CFAP95: variants seen among roughly 807,000 people sequenced by gnomAD.
CFAP95 encodes cilia- and flagella-associated protein 95.
chr9:69,858,439 T>C, the CFAP95 span, among the ~76,000 whole-genome samples: 1 of 152,190 alleles, frequency 6.6e-6, no homozygotes, highest in Non-Finnish European at 1.5e-5. Flanking sequence ...TCTTATGCTT[T>C]TTGTTGGTGA....
At chr9:69,842,366 A>G in the CFAP95 span, among the ~76,000 whole-genome samples, 2 of 152,200 alleles carry the variant, frequency 1.3e-5, no homozygotes, top group Admixed American at 6.5e-5. Context: ...TTGTGGCACC[A>G]CACAAACCCC....
At chr9:69,847,892 G>A in the CFAP95 span, among the ~76,000 whole-genome samples, 27 of 152,254 alleles carry the variant, frequency 1.8e-4, no homozygotes, top group Admixed American at 4.6e-4. Flanking sequence ...TTTTGTCTAC[G>A]TTTTGGCTAA....
At chr9:69,824,248 A>G in the CFAP95 span, among the ~76,000 whole-genome samples, 1 of 152,276 alleles carries the variant, frequency 6.6e-6, no homozygotes, top group Non-Finnish European at 1.5e-5. Flanking sequence ...GCAGTGGAAT[A>G]GTAAAGAACA....
chr9:69,853,833 G>C, the CFAP95 span, among the ~76,000 whole-genome samples: 1 of 152,166 alleles, frequency 6.6e-6, no homozygotes. Context: ...CCAGTTTTCT[G>C]CTCTGCCATC....
the CFAP95 span, among the ~76,000 whole-genome samples, chr9:69,832,897 G>C: frequency 4.6e-5 from 7 of 151,870 alleles, no homozygotes; most frequent in African/African-American, 1.7e-4. Context: ...TTCTTAGAAA[G>C]TCATGTAAGT....
At chr9:69,886,881 G>A in the CFAP95 span, 1 of 1,612,776 alleles carries the variant, frequency 6.2e-7, no homozygotes, top group Non-Finnish European at 8.5e-7. Flanking sequence ...TCCACCATAT[G>A]ATTATCAGCC....
At chr9:69,843,557 CCTTCTTCTTCTTCTTCTTCTTCTTCTT>C in the CFAP95 span, among the ~76,000 whole-genome samples, 286 of 14,658 alleles carry the variant, frequency 0.02, 3 homozygotes, top group East Asian at 0.06. Context: ...TCCTCCTCCT[CCTTCTTCTTCTTCTTCTTCTTCTTCTT>C]CTTCTTCTTC....
At chr9:69,843,628 T>TCCTCC in the CFAP95 span, among the ~76,000 whole-genome samples, 1 of 57,524 alleles carries the variant, frequency 1.7e-5, no homozygotes. Flanking sequence ...CTTCTTCTTC[T>TCCTCC]TCCTCCTCCT....
At chr9:69,890,820 A>G in the CFAP95 span, among the ~76,000 whole-genome samples, 1 of 152,284 alleles carries the variant, frequency 6.6e-6, no homozygotes, top group East Asian at 1.9e-4. Flanking sequence ...ATAAAGTGGG[A>G]CAGCATTATA....
chr9:69,851,521 T>C, the CFAP95 span, among the ~76,000 whole-genome samples: 1 of 152,152 alleles, frequency 6.6e-6, no homozygotes, highest in African/African-American at 2.4e-5. Flanking sequence ...GTTGGATAAT[T>C]TTTTATTTCC....
At chr9:69,872,980 C>G in the CFAP95 span, among the ~76,000 whole-genome samples, 2 of 152,184 alleles carry the variant, frequency 1.3e-5, no homozygotes, top group African/African-American at 4.8e-5. Flanking sequence ...ACAGGTAGAT[C>G]TCCACATCAC....
At chr9:69,886,039 G>A in the CFAP95 span, among the ~76,000 whole-genome samples, 2 of 152,148 alleles carry the variant, frequency 1.3e-5, no homozygotes, top group African/African-American at 4.8e-5. Context: ...GCTCTGAGTA[G>A]TGCCACAAAA....
the CFAP95 span, among the ~76,000 whole-genome samples, chr9:69,826,724 G>A: frequency 6.6e-6 from 1 of 152,176 alleles, no homozygotes; most frequent in Non-Finnish European, 1.5e-5. Flanking sequence ...AGGCTTTAAA[G>A]GGGCTTTTGG....
At chr9:69,897,852 G>A in the CFAP95 span, among the ~76,000 whole-genome samples, 1 of 152,128 alleles carries the variant, frequency 6.6e-6, no homozygotes, top group African/African-American at 2.4e-5. Context: ...CCACTCACTA[G>A]GAGGACCCTC....
the CFAP95 span, among the ~76,000 whole-genome samples, chr9:69,900,196 G>A: frequency 3.9e-5 from 6 of 152,102 alleles, no homozygotes; most frequent in African/African-American, 1.4e-4. Flanking sequence ...CATCAAACCT[G>A]AGGTGGTATT....
chr9:69,840,095 T>A, the CFAP95 span, among the ~76,000 whole-genome samples: 4 of 151,636 alleles, frequency 2.6e-5, no homozygotes, highest in South Asian at 8.3e-4. Context: ...AAAAAAAGAT[T>A]GATCATTTTT....
At chr9:69,833,552 G>C in the CFAP95 span, among the ~76,000 whole-genome samples, 23 of 152,114 alleles carry the variant, frequency 1.5e-4, no homozygotes, top group Non-Finnish European at 2.8e-4. Context: ...TCCGGTGAAA[G>C]AGTTTATCTG....
At chr9:69,900,229 C>T in the CFAP95 span, among the ~76,000 whole-genome samples, 3 of 152,048 alleles carry the variant, frequency 2.0e-5, no homozygotes, top group African/African-American at 4.8e-5. Context: ...ACACCATACT[C>T]TTTTCTCCCC....
the CFAP95 span, among the ~76,000 whole-genome samples, chr9:69,903,372 A>G: frequency 6.6e-6 from 1 of 152,210 alleles, no homozygotes; most frequent in Non-Finnish European, 1.5e-5. Flanking sequence ...ATCTTCAGCC[A>G]GTTAGATTCT....
Sources: allele counts gnomAD v4.1 joint callset (sites outside exome capture counted in the v4.1 genomes callset), GRCh38; gene constraint gnomAD v4.1.1; transcripts MANE v1.5; gene names NCBI Gene and HGNC (gene_info 2026-07-23, HGNC 2026-07-21).